The following FAM3D variants were observed in gnomAD, a reference collection of about 807,000 sequenced individuals.
FAM3D encodes FAM3 metabolism regulating signaling molecule D.
Under a neutral mutation model 29.8 loss-of-function variants are expected in FAM3D, and 26 were observed. The ratio of observed to expected loss-of-function variants is 0.87; its 90% CI spans 0.64 to 1.21. The LOEUF is 1.21. FAM3D is among the 50% of genes most tolerant of loss of function. FAM3D has a pLI of 0.00. For synonymous variants in FAM3D, 115 were observed against 102.3 expected, an observed-to-expected ratio of 1.12 and a Z score of -0.75; for missense variants, 253 against 290.9, an observed-to-expected ratio of 0.87 and a Z score of 0.95.
chr3:58,640,437 A>T lies in FAM3D; in HGVS notation c.323-260T>A, dbSNP rs2066295583. On this transcript the variant is annotated intron_variant, in intron 6 of 9. Coordinates refer to ENST00000358781, the MANE Select transcript of FAM3D (RefSeq NM_138805.3). ...TCAGTCTGAGTCGGTGTTCTGTCCT[A>T]CCAGTTTCTAACGCAGGACTTAGCA... Among the ~76,000 whole-genome samples, 2 of 152,192 alleles carry T rather than the reference A, an allele frequency of 1.3e-5. 1 individual carries two copies. The highest frequency in any genetic ancestry group is 4.1e-4 in the South Asian group (2 of 4,828).
intron 7 of FAM3D, among the ~76,000 whole-genome samples, chr3:58,638,439 G>C (rs545611189): frequency 1.3e-5 from 2 of 152,324 alleles, no homozygotes; most frequent in South Asian, 4.1e-4. Flanking sequence ...ATGAGTAACA[G>C]CCCTGCTTAT....
chr3:58,645,736 G>C, intron 4 of FAM3D, 110 bp from the exon 5 acceptor site: 1 of 926,736 alleles, frequency 1.1e-6, no homozygotes, highest in East Asian at 2.4e-5. Context: ...ATGAAGCTCA[G>C]AGCCTCTTTC....
At chr3:58,638,650 C>A (rs1367573270) in intron 7 of FAM3D, among the ~76,000 whole-genome samples, 1 of 152,188 alleles carries the variant, frequency 6.6e-6, no homozygotes. Context: ...GAGATTCTTC[C>A]AAGCATGGGC....
At position 58,634,237 on chromosome 3, in the gene FAM3D, G is replaced by A. The variant is rs138033284; in HGVS notation, c.*42C>T. On this transcript the variant is annotated 3_prime_UTR_variant, in exon 10 of 10. Coordinates refer to ENST00000358781, the MANE Select transcript of FAM3D (RefSeq NM_138805.3). The surrounding 1 kb of genome is among the most constrained non-coding windows in gnomAD (Gnocchi z 4.6). The stretch of plus-strand genomic sequence containing the variant: ...GGGCTCTGACTCCTAAGTCAGGCAG[G>A]AGCTTCTTCAGGCCCCTGGCTGAGG... 160 of 1,590,270 alleles carry A rather than the reference G, an allele frequency of 1.0e-4. No individual in the cohort carries two copies. The African/African-American group carries it at 1.9e-3, about 19-fold the overall frequency.
chr3:58,645,417 G>C (rs1415565760), intron 5 of FAM3D, 92 bp downstream of exon 5: 1 of 1,022,068 alleles, frequency 9.8e-7, no homozygotes, highest in Non-Finnish European at 1.4e-6. Context: ...TGGTCTCACA[G>C]GCCAGCCCCT....
intron 3 of FAM3D, among the ~76,000 whole-genome samples, chr3:58,651,904 C>T (rs1202320485): frequency 6.6e-6 from 1 of 152,222 alleles, no homozygotes; most frequent in East Asian, 1.9e-4. Flanking sequence ...TCAGCATGGG[C>T]TGTGGAACAT....
Position 58,651,295 on chromosome 3 carries a change from T to C in FAM3D, c.122-1957A>G, listed in dbSNP as rs529121645. ...CTATAGTAATATATGTGCTTCTATATCAGTGCATTAAATAATAAAATGAGG... is the reference window on the plus strand; with the variant it reads ...CTATAGTAATATATGTGCTTCTATACCAGTGCATTAAATAATAAAATGAGG... On this transcript the variant is annotated intron_variant, in intron 3 of 9. Coordinates refer to ENST00000358781, the MANE Select transcript of FAM3D (RefSeq NM_138805.3). 1.1e-4 allele frequency among the ~76,000 whole-genome samples: 16 copies of C among 152,350 alleles called. 1 individual carries two copies. In the South Asian group the frequency reaches 3.1e-3, roughly 30 times the overall value.
At chr3:58,665,381 C>G (rs1356259444) in intron 1 of FAM3D, among the ~76,000 whole-genome samples, 2 of 152,092 alleles carry the variant, frequency 1.3e-5, no homozygotes, top group African/African-American at 2.4e-5. Context: ...ATCTTTTCCT[C>G]CCCTGCCCTT....
intron 1 of FAM3D, among the ~76,000 whole-genome samples, chr3:58,660,176 CAG>C (rs1243240938): frequency 3.3e-5 from 5 of 151,690 alleles, no homozygotes; most frequent in Admixed American, 6.5e-5. Context: ...GAAAAAGAAA[CAG>C]AGACACTCAG....
At chr3:58,641,193 C>T (rs1319019539) in intron 6 of FAM3D, among the ~76,000 whole-genome samples, 2 of 152,132 alleles carry the variant, frequency 1.3e-5, no homozygotes. Flanking sequence ...GTTGGGCTTC[C>T]CCACATCTGG....
chr3:58,649,705 C>G (rs1416865347), intron 3 of FAM3D, among the ~76,000 whole-genome samples: 1 of 152,168 alleles, frequency 6.6e-6, no homozygotes, highest in Non-Finnish European at 1.5e-5. Context: ...TGTGCATATA[C>G]ACACATACAC....
chr3:58,650,563 G>C (rs2066607573), intron 3 of FAM3D, among the ~76,000 whole-genome samples: 1 of 152,100 alleles, frequency 6.6e-6, no homozygotes, highest in South Asian at 2.1e-4. Context: ...AAAGCCCAGG[G>C]ATGTAGAAAG....
At chr3:58,653,328 C>T (rs2066700855) in intron 3 of FAM3D, among the ~76,000 whole-genome samples, 1 of 152,170 alleles carries the variant, frequency 6.6e-6, no homozygotes, top group Admixed American at 6.5e-5. Flanking sequence ...GGTGAAGACG[C>T]TCAATATATG....
At chr3:58,660,048 G>A (rs902715783) in intron 1 of FAM3D, among the ~76,000 whole-genome samples, 1 of 152,198 alleles carries the variant, frequency 6.6e-6, no homozygotes, top group Non-Finnish European at 1.5e-5. Flanking sequence ...TCATAGCAGG[G>A]GGTGAATTCT....
rs140732927 is a variant in FAM3D at position 58,651,300 on chromosome 3, G to A, written c.122-1962C>T. Among the ~76,000 whole-genome samples the A allele has an allele frequency of 9.3e-3, 1,418 of 152,276 alleles. 20 individuals are homozygous for A. The highest frequency in any genetic ancestry group is 0.032 in the African/African-American group (1,341 of 41,556). On this transcript the variant is annotated intron_variant, in intron 3 of 9. Transcript: ENST00000358781. ...GTAATATATGTGCTTCTATATCAGT[G>A]CATTAAATAATAAAATGAGGGTATG...
intron 1 of FAM3D, among the ~76,000 whole-genome samples, chr3:58,660,941 A>C (rs2066917638): frequency 6.6e-6 from 1 of 152,216 alleles, no homozygotes; most frequent in Non-Finnish European, 1.5e-5. Context: ...CCCAGGCGAT[A>C]TGTGTCAGGA....
intron 1 of FAM3D, 24 bp downstream of exon 1, chr3:58,666,552 C>T (rs2067036142): frequency 1.3e-5 from 2 of 152,238 alleles, no homozygotes; most frequent in Admixed American, 1.3e-4. Context: ...AACCATAGCC[C>T]TTTCCATTCT....
At chr3:58,656,698 A>G (rs931036221) in intron 1 of FAM3D, among the ~76,000 whole-genome samples, 1 of 152,110 alleles carries the variant, frequency 6.6e-6, no homozygotes, top group African/African-American at 2.4e-5. Flanking sequence ...TCCCCTGCCC[A>G]CCCCAGAGTC....
At chr3:58,662,950 G>C (rs1336086215) in intron 1 of FAM3D, among the ~76,000 whole-genome samples, 1 of 152,234 alleles carries the variant, frequency 6.6e-6, no homozygotes, top group Admixed American at 6.5e-5. Context: ...GCCCAGGCTG[G>C]AGTGCAGTGG....
Sources: allele counts gnomAD v4.1 joint callset (sites outside exome capture counted in the v4.1 genomes callset), GRCh38; gene constraint gnomAD v4.1.1; non-coding constraint Gnocchi (gnomAD v3.1); transcripts MANE v1.5; gene names NCBI Gene and HGNC (gene_info 2026-07-23, HGNC 2026-07-21).